The following SPHKAP variants were observed in gnomAD, a reference collection of about 807,000 sequenced individuals.
SPHKAP encodes A-kinase anchor protein SPHKAP.
Under a neutral mutation model 137.5 loss-of-function variants are expected in SPHKAP, and 67 were observed. That is an observed-to-expected ratio of 0.49 (90% CI 0.40 to 0.60). The LOEUF is 0.60. SPHKAP is among the 20% of genes least tolerant of loss of function. SPHKAP has a pLI of 0.00. For synonymous variants in SPHKAP, 813 were observed against 785.3 expected, an observed-to-expected ratio of 1.04 and a Z score of -0.59; for missense variants, 2,097 against 2,069.3, an observed-to-expected ratio of 1.01 and a Z score of -0.26.
chr2:228,154,565 T>G (rs1700048569), intron 1 of SPHKAP, among the ~76,000 whole-genome samples: 1 of 100,690 alleles, frequency 9.9e-6, no homozygotes, highest in Non-Finnish European at 1.9e-5. Context: ...TTTTTTTTTT[T>G]TGAGATGGAG....
rs1692971334 is a variant in SPHKAP at position 227,980,938 on chromosome 2, G to T, written c.*779C>A. On this transcript the variant is annotated 3_prime_UTR_variant, in exon 12 of 12. Coordinates refer to ENST00000392056, the MANE Select transcript of SPHKAP (RefSeq NM_001142644.2). ...GACACAAGCAGATTTTATCTGAAAAGACTTTTTTTTAAATATGAAAGCTTT... is the reference window on the plus strand; with the variant it reads ...GACACAAGCAGATTTTATCTGAAAATACTTTTTTTTAAATATGAAAGCTTT... 1 of 152,150 alleles carries T rather than the reference G, an allele frequency of 6.6e-6. No individual in the cohort carries two copies. Among genetic ancestry groups the T allele is most frequent in the Non-Finnish European group, 1.5e-5 (1 of 68,014 alleles). The allele number at this position is 152,150 out of a possible 1,614,324, so 9.4% of individuals were successfully genotyped here.
At chr2:228,137,577 T>C (rs1699474805) in intron 1 of SPHKAP, among the ~76,000 whole-genome samples, 1 of 152,204 alleles carries the variant, frequency 6.6e-6, no homozygotes, top group East Asian at 1.9e-4. Flanking sequence ...CCTTAAAGAA[T>C]GCTCTTGGTG....
chr2:228,097,521 T>A (rs1467876450), intron 3 of SPHKAP, among the ~76,000 whole-genome samples: 3 of 152,178 alleles, frequency 2.0e-5, no homozygotes, highest in Non-Finnish European at 4.4e-5. Flanking sequence ...TCAACTTTTA[T>A]TTTAGGCTCA....
chr2:228,119,510 A>G (rs2106361251), intron 2 of SPHKAP, among the ~76,000 whole-genome samples: 1 of 111,448 alleles, frequency 9.0e-6, no homozygotes, highest in Non-Finnish European at 2.0e-5. Flanking sequence ...CTGGACTAGA[A>G]GTCAGGAGGT....
intron 11 of SPHKAP, among the ~76,000 whole-genome samples, chr2:227,990,581 T>G (rs77045830): frequency 2.0e-5 from 3 of 152,196 alleles, no homozygotes; most frequent in African/African-American, 7.2e-5. Flanking sequence ...CGAACCTGTT[T>G]GGAAGGGAAT....
chr2:228,003,094 A>T (rs957603760), intron 7 of SPHKAP, among the ~76,000 whole-genome samples: 37 of 152,158 alleles, frequency 2.4e-4, no homozygotes, highest in African/African-American at 8.4e-4. Context: ...GTTTTTTCCA[A>T]TCTGTGAAGA....
At chr2:228,124,441 G>A (rs1004368991) in intron 2 of SPHKAP, among the ~76,000 whole-genome samples, 1 of 152,022 alleles carries the variant, frequency 6.6e-6, no homozygotes, top group Non-Finnish European at 1.5e-5. Context: ...TAGGGACATG[G>A]ATGAAGCTGG....
At chr2:228,092,224 T>C (rs13399541) in intron 3 of SPHKAP, among the ~76,000 whole-genome samples, 44,181 of 144,972 alleles carry the variant, frequency 0.3, 7,027 homozygotes, top group Admixed American at 0.39. Flanking sequence ...TACACACATA[T>C]ATACACACAT....
At chr2:228,137,744 T>C (rs1048091311) in intron 1 of SPHKAP, among the ~76,000 whole-genome samples, 1 of 152,176 alleles carries the variant, frequency 6.6e-6, no homozygotes, top group Non-Finnish European at 1.5e-5. Flanking sequence ...GATGTTGTCA[T>C]TAAAATCAAT....
chr2:228,166,224 A>G (rs1161001534), intron 1 of SPHKAP, among the ~76,000 whole-genome samples: 1 of 152,220 alleles, frequency 6.6e-6, no homozygotes, highest in East Asian at 1.9e-4. Flanking sequence ...TTTTGAAGGG[A>G]AAATTATGAT....
chr2:227,989,019 A>T (rs1316555630), intron 11 of SPHKAP, among the ~76,000 whole-genome samples: 2 of 152,156 alleles, frequency 1.3e-5, no homozygotes, highest in Non-Finnish European at 2.9e-5. Flanking sequence ...AAAATGAATT[A>T]GGTCTCCTTT....
chr2:228,162,664 A>T (rs1700308574), intron 1 of SPHKAP, among the ~76,000 whole-genome samples: 1 of 152,156 alleles, frequency 6.6e-6, no homozygotes, highest in Admixed American at 6.5e-5. Context: ...GGTTGGCAGA[A>T]TACATAGGAG....
intron 1 of SPHKAP, among the ~76,000 whole-genome samples, chr2:228,180,115 C>T (rs1574925787): frequency 1.3e-5 from 2 of 151,952 alleles, no homozygotes; most frequent in Non-Finnish European, 2.9e-5. Context: ...GGAAAGACAG[C>T]GGTGGTCCTT....
At position 227,990,999 on chromosome 2, in the gene SPHKAP, C is replaced by G; in HGVS notation, c.4959+1G>C. On this transcript the variant is annotated splice_donor_variant, in intron 11 of 11. Transcript: ENST00000392056. LOFTEE classifies it high-confidence loss of function. ...TGTTTTCCAAACCTGGTACATGATA[C>G]CTTTTCAATTCTGTTTTCCTGAGAT... is the stretch of plus-strand genomic sequence containing the variant. 1 of 1,613,568 alleles carries G rather than the reference C, an allele frequency of 6.2e-7. No individual in the cohort carries two copies.
At position 228,017,451 on chromosome 2, in the gene SPHKAP, T is replaced by A; in HGVS notation, c.3403A>T (p.Asn1135Tyr). ...CCTCTCCCTTCATTTTCCATCTGGT[T>A]CACCATGAACCTGGAAAACTCATCG... ...ITDEFSRFMV[N>Y]QMENEGRGFE... Residue 1135 changes from asparagine (N) to tyrosine (Y), a missense_variant, in exon 7 of 12, where the codon AAC becomes TAC. Transcript: ENST00000392056. 3 of 1,613,922 alleles carry A rather than the reference T, an allele frequency of 1.9e-6. No individual in the cohort carries two copies. Among genetic ancestry groups the A allele is most frequent in the Non-Finnish European group, 2.5e-6 (3 of 1,180,026 alleles).
At chr2:228,075,885 T>C (rs1444925623) in intron 3 of SPHKAP, among the ~76,000 whole-genome samples, 2 of 152,186 alleles carry the variant, frequency 1.3e-5, no homozygotes, top group Middle Eastern at 3.2e-3. Flanking sequence ...AATCATACAC[T>C]TAAGTAATGG....
chr2:228,136,208 G>A (rs1163006965), intron 1 of SPHKAP, among the ~76,000 whole-genome samples: 1 of 152,152 alleles, frequency 6.6e-6, no homozygotes, highest in Non-Finnish European at 1.5e-5. Flanking sequence ...GGGTAAGCCG[G>A]CAAATTCTTC....
chr2:228,122,448 G>A (rs373775968), intron 2 of SPHKAP, among the ~76,000 whole-genome samples: 2 of 152,192 alleles, frequency 1.3e-5, no homozygotes, highest in African/African-American at 2.4e-5. Context: ...TGGAGGCAAC[G>A]AGAAGTGAGT....
At chr2:228,031,400 C>T (rs1418692570) in intron 3 of SPHKAP, among the ~76,000 whole-genome samples, 1 of 152,224 alleles carries the variant, frequency 6.6e-6, no homozygotes, top group Non-Finnish European at 1.5e-5. Flanking sequence ...CACCACAGCT[C>T]AAGGAGGCCT....
Sources: gnomAD v4.1 joint callset for allele counts (sites outside exome capture counted in the v4.1 genomes callset) on GRCh38, gnomAD v4.1.1 for gene constraint, MANE v1.5 for transcripts, NCBI Gene and HGNC (gene_info 2026-07-23, HGNC 2026-07-21) for gene names.